PDE4D: variants seen among roughly 807,000 people sequenced by gnomAD.
PDE4D encodes 3',5'-cyclic-AMP phosphodiesterase 4D.
PDE4D carries 24 observed loss-of-function variants against 87.4 expected under a neutral mutation model. The ratio of observed to expected loss-of-function variants is 0.27; its 90% CI spans 0.20 to 0.39. The LOEUF is 0.39. PDE4D is among the 10% of genes least tolerant of loss of function. The pLI is 1.00. For missense variants in PDE4D, 714 were observed against 1,041.0 expected (o/e 0.69, Z 4.32); for synonymous variants, 384 against 383.2 (o/e 1.00, Z -0.02).
At chr5:59,567,685 A>T (rs1490834347) in intron 1 of PDE4D, among the ~76,000 whole-genome samples, 1 of 152,192 alleles carries the variant, frequency 6.6e-6, no homozygotes, top group Non-Finnish European at 1.5e-5. Context: ...ATATTTATGT[A>T]TTTCAACTTC....
At chr5:59,409,701 C>T (rs941118517) in intron 1 of PDE4D, among the ~76,000 whole-genome samples, 10 of 152,182 alleles carry the variant, frequency 6.6e-5, no homozygotes, top group African/African-American at 2.4e-4. Flanking sequence ...CTTGTACATC[C>T]TGCAGAACTG....
At chr5:60,391,282 GCT>G (rs1762546289) in intron 1 of PDE4D, among the ~76,000 whole-genome samples, 2 of 152,188 alleles carry the variant, frequency 1.3e-5, no homozygotes, top group Admixed American at 1.3e-4. Context: ...CACACTGTCT[GCT>G]CTGAAGGTAG....
chr5:60,297,814 C>T (rs1314959827), intron 1 of PDE4D, among the ~76,000 whole-genome samples: 2 of 152,170 alleles, frequency 1.3e-5, no homozygotes, highest in Non-Finnish European at 2.9e-5. Context: ...GAAATGTTAA[C>T]ACAATATAAC....
intron 2 of PDE4D, chr5:60,021,674 G>A (rs1313873311): frequency 6.6e-6 from 1 of 152,068 alleles, no homozygotes; most frequent in African/African-American, 2.4e-5. Context: ...TCAATTACCG[G>A]ATGCTCTGTT....
intron 1 of PDE4D, among the ~76,000 whole-genome samples, chr5:59,603,059 G>GT (rs1199735766): frequency 6.6e-6 from 1 of 151,798 alleles, no homozygotes; most frequent in Non-Finnish European, 1.5e-5. Flanking sequence ...AGACATAAAT[G>GT]TAAGAATAGG....
intron 1 of PDE4D, among the ~76,000 whole-genome samples, chr5:59,440,716 T>C (rs1797484728): frequency 6.6e-6 from 1 of 152,076 alleles, no homozygotes; most frequent in Non-Finnish European, 1.5e-5. Flanking sequence ...GCGGAGGTTG[T>C]GGTGAGCCGA....
At chr5:59,087,656 A>G (rs374206235) in intron 5 of PDE4D, among the ~76,000 whole-genome samples, 1 of 152,160 alleles carries the variant, frequency 6.6e-6, no homozygotes. Flanking sequence ...TTTTAGCATA[A>G]TATCTAACAT....
At chr5:60,221,449 CTTAT>C (rs1448741103) in intron 1 of PDE4D, among the ~76,000 whole-genome samples, 2 of 151,898 alleles carry the variant, frequency 1.3e-5, no homozygotes, top group African/African-American at 2.4e-5. Context: ...AATTATATGG[CTTAT>C]TTGTCTTTCA....
intron 1 of PDE4D, among the ~76,000 whole-genome samples, chr5:59,448,910 C>T (rs1373677744): frequency 6.6e-6 from 1 of 152,158 alleles, no homozygotes; most frequent in Non-Finnish European, 1.5e-5. Context: ...ACTGGGATTA[C>T]AGGAGTGAGC....
At chr5:59,180,537 C>T in intron 5 of PDE4D, 58 bp downstream of exon 5, 1 of 1,432,562 alleles carries the variant, frequency 7.0e-7, no homozygotes, top group South Asian at 1.2e-5. Context: ...TATATTGACT[C>T]TTGGCAGAAA....
intron 1 of PDE4D, among the ~76,000 whole-genome samples, chr5:59,538,682 C>T (rs1815734970): frequency 6.6e-6 from 1 of 152,172 alleles, no homozygotes; most frequent in Non-Finnish European, 1.5e-5. Context: ...TACAGCACAG[C>T]CAAATACTAC....
In PDE4D at chr5:59,469,023, C is replaced by A. The variant is rs554847055; in HGVS notation, c.456-253055G>T. Among the ~76,000 whole-genome samples, 5 of 152,188 alleles carry A rather than the reference C, an allele frequency of 3.3e-5. No individual in the cohort carries two copies. The South Asian group carries it at 1.0e-3, about 32-fold the overall frequency. On this transcript the variant is annotated intron_variant, in intron 1 of 14. Transcript: ENST00000340635. ...TTCTTAGACATTTTTGCGGTACTAA[C>A]ATAGATATAAAAACTAACACACGGC...
At chr5:60,399,115 T>C (rs1763096281) in intron 1 of PDE4D, among the ~76,000 whole-genome samples, 1 of 152,216 alleles carries the variant, frequency 6.6e-6, no homozygotes, top group Non-Finnish European at 1.5e-5. Flanking sequence ...ATCTGATCCA[T>C]TCTAGGCCTA....
chr5:59,346,631 T>C (rs554949855), intron 1 of PDE4D, among the ~76,000 whole-genome samples: 48 of 152,262 alleles, frequency 3.2e-4, no homozygotes, highest in African/African-American at 1.1e-3. Context: ...CTGACGTTCC[T>C]TGTATGAGTA....
chr5:59,030,444 A>AC lies in PDE4D; in HGVS notation c.921+8414_921+8415insG, dbSNP rs1554050920. On this transcript the variant is annotated intron_variant, in intron 6 of 14. Coordinates refer to ENST00000340635, the MANE Select transcript of PDE4D (RefSeq NM_001104631.2). Reference sequence around the variant, plus strand: ...ATACAAAAAAAAAAAAAAAAAAAAAAAACAATGTTCCCCAGCCCTGCACAG... The same window carrying AC: ...ATACAAAAAAAAAAAAAAAAAAAAAACAACAATGTTCCCCAGCCCTGCACAG... 9.9e-5 allele frequency among the ~76,000 whole-genome samples: 15 copies of AC among 151,326 alleles called. No homozygotes were observed. The South Asian group carries it at 1.9e-3, about 19-fold the overall frequency.
intron 1 of PDE4D, among the ~76,000 whole-genome samples, chr5:59,361,069 T>A (rs1371629202): frequency 2.0e-5 from 3 of 152,156 alleles, no homozygotes; most frequent in Non-Finnish European, 4.4e-5. Flanking sequence ...TTTTAGGATT[T>A]TTTTTAGCAA....
chr5:60,511,554 C>T (rs1750575016), intron 1 of PDE4D, among the ~76,000 whole-genome samples: 1 of 128,314 alleles, frequency 7.8e-6, no homozygotes, highest in Admixed American at 7.4e-5. Flanking sequence ...ATAATGGCTG[C>T]CATATATGAA....
At chr5:59,907,084 C>T (rs1197849877) in intron 3 of PDE4D, among the ~76,000 whole-genome samples, 4 of 152,080 alleles carry the variant, frequency 2.6e-5, no homozygotes, top group Non-Finnish European at 4.4e-5. Context: ...GGCGGGAACA[C>T]GGATGGAGTT....
intron 3 of PDE4D, among the ~76,000 whole-genome samples, chr5:59,982,044 T>A (rs1761981254): frequency 6.6e-6 from 1 of 152,242 alleles, no homozygotes; most frequent in African/African-American, 2.4e-5. Flanking sequence ...GAAATATTTC[T>A]GGAAGATCCT....
Sources: allele counts gnomAD v4.1 joint callset (sites outside exome capture counted in the v4.1 genomes callset), GRCh38; gene constraint gnomAD v4.1.1; transcripts MANE v1.5; gene names NCBI Gene and HGNC (gene_info 2026-07-23, HGNC 2026-07-21).